Variants in SIMC1 observed in about 807,000 individuals in gnomAD.
The protein encoded by SIMC1 is SUMO-interacting motif-containing protein 1.
A neutral mutation model predicts 82.3 loss-of-function variants in SIMC1; 55 were observed. That is an observed-to-expected ratio of 0.67 (90% confidence interval 0.54 to 0.84). The LOEUF is 0.84. SIMC1 is among the 40% of genes least tolerant of loss of function. The probability of loss-of-function intolerance (pLI) is 0.00; values close to 1 mark genes in which losing one functional copy is unlikely to be tolerated. For synonymous variants in SIMC1, 353 were observed against 426.3 expected, an observed-to-expected ratio of 0.83 and a Z score of 2.12; for missense variants, 915 against 1,107.2, an observed-to-expected ratio of 0.83 and a Z score of 2.46.
At chr5:176,252,485 T>C (rs1761706186) in intron 1 of SIMC1, among the ~76,000 whole-genome samples, 1 of 143,264 alleles carries the variant, frequency 7.0e-6, no homozygotes, top group African/African-American at 2.7e-5. Flanking sequence ...GCAGAGGCGC[T>C]CCTCACATCC....
At chr5:176,281,582 A>G (rs1763007976) in intron 1 of SIMC1, among the ~76,000 whole-genome samples, 1 of 151,918 alleles carries the variant, frequency 6.6e-6, no homozygotes. Context: ...GTCTTTGATG[A>G]TGGTGATGTA....
chr5:176,263,093 A>G (rs1297504405), intron 1 of SIMC1, among the ~76,000 whole-genome samples: 8 of 152,196 alleles, frequency 5.3e-5, no homozygotes, highest in African/African-American at 1.7e-4. Flanking sequence ...ATAACAAAAT[A>G]TCTACAAAAT....
At chr5:176,331,844 C>CT (rs1403563001) in intron 7 of SIMC1, among the ~76,000 whole-genome samples, 1 of 151,840 alleles carries the variant, frequency 6.6e-6, no homozygotes, top group African/African-American at 2.4e-5. Flanking sequence ...TGGCGGGCGC[C>CT]TGTAATCTCA....
chr5:176,238,625 C>T lies in SIMC1; in HGVS notation c.117C>T (p.Pro39=), dbSNP rs577167239. 1.6e-4 allele frequency: 201 copies of T among 1,220,490 alleles called. 1 individual carries two copies. The South Asian group carries it at 6.1e-3, about 37-fold the overall frequency. The allele number at this position is 1,220,490 out of a possible 1,614,324, so 75.6% of individuals were successfully genotyped here. The change falls in exon 1 of 10, where the codon CCC becomes CCT. Residue 39 remains proline (P), a synonymous_variant. Transcript: ENST00000429602. The part of the protein sequence containing the change: ...RALSRTSGAL[P]RRTVDFIDLT... ...TGTCGCGAACCTCCGGCGCGCTGCC[C>T]CGCCGGACCGTGGTGAGTGAGCGTC...
chr5:176,265,261 C>T (rs1163360233), intron 1 of SIMC1, among the ~76,000 whole-genome samples: 1 of 100,636 alleles, frequency 9.9e-6, no homozygotes, highest in Non-Finnish European at 2.1e-5. Flanking sequence ...GAAGGACTCT[C>T]CACTTCAAAC....
At chr5:176,313,905 C>A in intron 5 of SIMC1, 60 bp downstream of exon 5, 1 of 1,599,656 alleles carries the variant, frequency 6.3e-7, no homozygotes, top group South Asian at 1.1e-5. Flanking sequence ...TGGGCAGCTG[C>A]TGAAGGCCAG....
chr5:176,337,608 A>G (rs1765961843), intron 9 of SIMC1, among the ~76,000 whole-genome samples: 2 of 152,172 alleles, frequency 1.3e-5, no homozygotes, highest in South Asian at 4.2e-4. Context: ...GGGGCGGAAA[A>G]AAAGAGAAGT....
rs1435871357 is a variant in SIMC1, at chr5:176,308,907, C to T, written c.1735-4784C>T. On this transcript the variant is annotated intron_variant, in intron 4 of 9. Transcript: ENST00000429602. ...AGTCAGATGTCAGCAGTCAGCGGGC[C>T]TCTTCTACAGTGGTTGGAGGACAGA... 8.4e-6 allele frequency: 11 copies of T among 1,305,432 alleles called. No individual in the cohort carries two copies. In the East Asian group the frequency reaches 2.5e-4, roughly 30 times the overall value. 80.9% of individuals were successfully genotyped at this position (1,305,432 alleles called of 1,614,324 possible).
chr5:176,249,470 G>T (rs1761567852), intron 1 of SIMC1, among the ~76,000 whole-genome samples: 1 of 151,866 alleles, frequency 6.6e-6, no homozygotes, highest in African/African-American at 2.4e-5. Flanking sequence ...ATTTTTTATT[G>T]TATCTATTTG....
At chr5:176,255,385 C>T (rs929164668) in intron 1 of SIMC1, among the ~76,000 whole-genome samples, 27 of 152,046 alleles carry the variant, frequency 1.8e-4, no homozygotes, top group African/African-American at 6.5e-4. Context: ...AATTTGAGAC[C>T]AGCCTGGCCA....
intron 1 of SIMC1, among the ~76,000 whole-genome samples, chr5:176,260,419 G>A (rs1322716638): frequency 6.6e-6 from 1 of 152,050 alleles, no homozygotes; most frequent in East Asian, 1.9e-4. Flanking sequence ...GAACTTACTT[G>A]TGTGACCAAA....
chr5:176,246,302 G>A (rs1340157347), intron 1 of SIMC1, among the ~76,000 whole-genome samples: 1 of 151,898 alleles, frequency 6.6e-6, no homozygotes, highest in African/African-American at 2.4e-5. Context: ...GAGCCACCAC[G>A]CCTGGCCAAG....
Position 176,243,520 on chromosome 5 carries a change from C to CT in SIMC1, c.129+4896dup, listed in dbSNP as rs3084814. Among the ~76,000 whole-genome samples the CT allele has an allele frequency of 6.8e-3, 984 of 144,676 alleles. 11 individuals are homozygous for CT. The highest frequency in any genetic ancestry group is 0.019 in the African/African-American group (760 of 39,792). The allele number at this position is 144,676 out of a possible 152,430, so 94.9% of individuals were successfully genotyped here. ...CAGGACAGTGACATGATTTGATTTA[C>CT]TTTTTTTTTTTTTGGAGATGGAGTC... On this transcript the variant is annotated intron_variant, in intron 1 of 9. Coordinates refer to ENST00000429602, the MANE Select transcript of SIMC1 (RefSeq NM_001308195.2).
chr5:176,292,505 G>T lies in SIMC1; in HGVS notation c.1431+1550G>T, dbSNP rs369126901. Reference sequence around the variant, plus strand: ...TTATTACATCTTCTAATATGTTGTAGGTCTTCTCCTTCTTTATGCCTCTGC... The same window carrying T: ...TTATTACATCTTCTAATATGTTGTATGTCTTCTCCTTCTTTATGCCTCTGC... On this transcript the variant is annotated intron_variant, in intron 2 of 9. Coordinates refer to ENST00000429602, the MANE Select transcript of SIMC1 (RefSeq NM_001308195.2). 5.8e-3 allele frequency among the ~76,000 whole-genome samples: 879 copies of T among 152,108 alleles called. 10 individuals carry two copies. The highest frequency in any genetic ancestry group is 0.02 in the African/African-American group (830 of 41,494).
At chr5:176,286,329 A>G (rs1763281578) in intron 1 of SIMC1, among the ~76,000 whole-genome samples, 2 of 152,264 alleles carry the variant, frequency 1.3e-5, no homozygotes, top group Non-Finnish European at 2.9e-5. Flanking sequence ...CAGAAATAAT[A>G]CCACACATCT....
rs536722912 is a variant in SIMC1, at chr5:176,310,309, G to C, written c.1735-3382G>C. Among the ~76,000 whole-genome samples, 19 of 152,232 alleles carry C rather than the reference G, an allele frequency of 1.2e-4. No individual in the cohort carries two copies. In the South Asian group the frequency reaches 3.9e-3, roughly 32 times the overall value. ...CATAAGACCCAGCAGTTGTGCTCCT[G>C]GACATTCATTCCAGAGAAATGAAAA... On this transcript the variant is annotated intron_variant, in intron 4 of 9. Transcript: ENST00000429602.
At chr5:176,277,861 A>G (rs1208063833) in intron 1 of SIMC1, among the ~76,000 whole-genome samples, 1 of 151,444 alleles carries the variant, frequency 6.6e-6, no homozygotes, top group Non-Finnish European at 1.5e-5. Flanking sequence ...GCCTTGTAGT[A>G]TAGTTTGAAG....
At chr5:176,257,562 A>G (rs1438746788) in intron 1 of SIMC1, among the ~76,000 whole-genome samples, 1 of 152,178 alleles carries the variant, frequency 6.6e-6, no homozygotes, top group Non-Finnish European at 1.5e-5. Context: ...TCAATAGCTC[A>G]TTATTGTGAA....
intron 5 of SIMC1, among the ~76,000 whole-genome samples, chr5:176,315,901 AC>A (rs1764881533): frequency 6.6e-6 from 1 of 152,190 alleles, no homozygotes; most frequent in African/African-American, 2.4e-5. Context: ...TTGGCCGGGT[AC>A]AGTGGCTCAC....
Sources: gnomAD v4.1 joint callset for allele counts (sites outside exome capture counted in the v4.1 genomes callset) on GRCh38, gnomAD v4.1.1 for gene constraint, MANE v1.5 for transcripts, NCBI Gene and HGNC (gene_info 2026-07-23, HGNC 2026-07-21) for gene names.